RGS10: variants seen among roughly 807,000 people sequenced by gnomAD.
The protein encoded by RGS10 is regulator of G protein signaling 10.
RGS10 carries 11 observed loss-of-function variants against 23.5 expected under a neutral mutation model. That is an observed-to-expected ratio of 0.47 (90% CI 0.29 to 0.77). RGS10 has a LOEUF of 0.77. Among genes scored for constraint, RGS10 ranks in the 30% least tolerant of loss-of-function variants. The pLI is 0.08. For synonymous variants in RGS10, 77 were observed against 83.2 expected (o/e 0.92, Z 0.41); for missense variants, 180 against 226.3 (o/e 0.80, Z 1.31).
Position 119,536,840 on chromosome 10 carries a change from G to A in RGS10, c.49+5750C>T, listed in dbSNP as rs188345678. 3.9e-5 allele frequency among the ~76,000 whole-genome samples: 6 copies of A among 152,132 alleles called. 1 individual carries two copies. Among genetic ancestry groups the A allele is most frequent in the African/African-American group, 1.2e-4 (5 of 41,490 alleles). On this transcript the variant is annotated intron_variant, in intron 1 of 4. Transcript: ENST00000369103. ...GTCCTCTGGGGCCTGACATTTCTGC[G>A]TAAAGCTGCCCTCACCCTCCTACTC...
rs1443454760 is a variant in RGS10, at chr10:119,517,184, C to G, written c.256-1532G>C. On this transcript the variant is annotated intron_variant, in intron 3 of 4. Transcript: ENST00000369103. This position sits in a 1 kb window ranked among gnomAD's most constrained non-coding sequence, Gnocchi z 5.0. ...AAGGAAGGGTAGCCCTTTTTTAGTTCAGGGCACTGGGGACAAAAGATCCTG... is the reference window on the plus strand; with the variant it reads ...AAGGAAGGGTAGCCCTTTTTTAGTTGAGGGCACTGGGGACAAAAGATCCTG... Among the ~76,000 whole-genome samples the G allele has an allele frequency of 3.3e-5, 5 of 152,198 alleles. No individual in the cohort carries two copies. Among genetic ancestry groups the G allele is most frequent in the Non-Finnish European group, 7.4e-5 (5 of 68,024 alleles).
intron 4 of RGS10, 76 bp downstream of exon 4, chr10:119,515,433 T>C (rs538264680): frequency 1.3e-6 from 2 of 1,551,184 alleles, no homozygotes; most frequent in East Asian, 4.5e-5. Context: ...TAACATCGGG[T>C]GTTTCAGTAA....
intron 3 of RGS10, among the ~76,000 whole-genome samples, chr10:119,519,253 G>A (rs1240906205): frequency 6.6e-6 from 1 of 152,096 alleles, no homozygotes; most frequent in Admixed American, 6.5e-5. Context: ...TGTCCTCTCA[G>A]GATCCCCAAC....
intron 3 of RGS10, among the ~76,000 whole-genome samples, chr10:119,518,604 A>G (rs1054122025): frequency 2.0e-5 from 3 of 151,982 alleles, no homozygotes; most frequent in African/African-American, 7.3e-5. Flanking sequence ...TGCTTCCCAC[A>G]CTGGCCCCGC....
chr10:119,526,850 T>C (rs1342114843), intron 2 of RGS10, among the ~76,000 whole-genome samples: 1 of 151,968 alleles, frequency 6.6e-6, no homozygotes, highest in Non-Finnish European at 1.5e-5. Flanking sequence ...TATTTCTAGA[T>C]GGGATCAACA....
At position 119,501,688 on chromosome 10, in the gene RGS10, A is replaced by T. The variant is rs141177323; in HGVS notation, c.400-1429T>A. ...CAGTGAGCTGAGATCACACCACTGC[A>T]CTCCAGCCTGGGCAACAGAGTGAGA... is the stretch of plus-strand genomic sequence containing the variant. On this transcript the variant is annotated intron_variant, in intron 4 of 4. Coordinates refer to ENST00000369103, the MANE Select transcript of RGS10 (RefSeq NM_001005339.2). 2.0e-3 allele frequency among the ~76,000 whole-genome samples: 299 copies of T among 152,216 alleles called. 2 individuals are homozygous for T. In the East Asian group the frequency reaches 0.03, roughly 15 times the overall value.
At position 119,538,721 on chromosome 10, in the gene RGS10, C is replaced by T. The variant is rs868175301; in HGVS notation, c.49+3869G>A. On this transcript the variant is annotated intron_variant, in intron 1 of 4. Transcript: ENST00000369103. The surrounding 1 kb of genome is among the most constrained non-coding windows in gnomAD (Gnocchi z 4.5). ...AAGTCTGCAAGGGACTGTCTCACTC[C>T]AGCGGATGCCGCCTGACAGCTCTTA... 8.5e-5 allele frequency among the ~76,000 whole-genome samples: 13 copies of T among 152,152 alleles called. No individual in the cohort carries two copies. The highest frequency in any genetic ancestry group is 2.4e-4 in the African/African-American group (10 of 41,420).
chr10:119,514,181 C>T (rs189290706), intron 4 of RGS10, among the ~76,000 whole-genome samples: 6 of 151,850 alleles, frequency 4.0e-5, no homozygotes, highest in Non-Finnish European at 8.8e-5. Flanking sequence ...CATGGTAAAA[C>T]CCCGTCTCTA....
At chr10:119,528,012 C>T (rs1844294626) in intron 1 of RGS10, among the ~76,000 whole-genome samples, 3 of 152,122 alleles carry the variant, frequency 2.0e-5, no homozygotes, top group Admixed American at 2.0e-4. Flanking sequence ...AGATAAATGT[C>T]ATTTCAGGCA....
At chr10:119,540,529 G>A (rs1185231465) in intron 1 of RGS10, among the ~76,000 whole-genome samples, 1 of 152,212 alleles carries the variant, frequency 6.6e-6, no homozygotes. Flanking sequence ...TGGGATCACA[G>A]GTGTGAGCCA....
intron 1 of RGS10, among the ~76,000 whole-genome samples, chr10:119,539,921 A>G (rs1432354132): frequency 6.6e-6 from 1 of 151,440 alleles, no homozygotes; most frequent in Non-Finnish European, 1.5e-5. Context: ...AGTTTATACA[A>G]TTTGAGGATC....
chr10:119,537,173 A>G (rs1206681990), intron 1 of RGS10, among the ~76,000 whole-genome samples: 1 of 152,002 alleles, frequency 6.6e-6, no homozygotes, highest in East Asian at 1.9e-4. Flanking sequence ...CGGGCAGATC[A>G]CCTGAGGTCG....
intron 1 of RGS10, among the ~76,000 whole-genome samples, chr10:119,541,217 C>T (rs146936105): frequency 1.3e-5 from 2 of 152,282 alleles, no homozygotes; most frequent in African/African-American, 4.8e-5. Flanking sequence ...CTCTGAGCAG[C>T]GCTCCACAGG....
At chr10:119,512,030 C>G (rs1844082022) in intron 4 of RGS10, among the ~76,000 whole-genome samples, 1 of 152,174 alleles carries the variant, frequency 6.6e-6, no homozygotes, top group African/African-American at 2.4e-5. Context: ...CTCATCTAGC[C>G]TGGGGCTCAG....
At chr10:119,516,119 G>C (rs1844140225) in intron 3 of RGS10, among the ~76,000 whole-genome samples, 5 of 152,116 alleles carry the variant, frequency 3.3e-5, no homozygotes, top group Admixed American at 2.0e-4. Flanking sequence ...AGGCGTGGTG[G>C]TGCAAACCTG....
intron 4 of RGS10, among the ~76,000 whole-genome samples, chr10:119,507,001 A>G (rs1388872662): frequency 2.6e-5 from 4 of 152,182 alleles, no homozygotes; most frequent in African/African-American, 9.7e-5. Flanking sequence ...GCCCAGCACC[A>G]AATACCATTT....
chr10:119,531,844 C>G (rs1025307450), intron 1 of RGS10, among the ~76,000 whole-genome samples: 1 of 152,154 alleles, frequency 6.6e-6, no homozygotes, highest in South Asian at 2.1e-4. Flanking sequence ...ATTCCATGGT[C>G]TCCTGGGCTA....
chr10:119,533,392 C>T (rs1844352931), intron 1 of RGS10, among the ~76,000 whole-genome samples: 2 of 151,838 alleles, frequency 1.3e-5, no homozygotes, highest in East Asian at 3.9e-4. Context: ...GAAGGGGAAG[C>T]AGGTTAAAGT....
chr10:119,526,531 ACTATTTT>A (rs1269480709), intron 2 of RGS10, among the ~76,000 whole-genome samples: 1 of 152,204 alleles, frequency 6.6e-6, no homozygotes, highest in African/African-American at 2.4e-5. Flanking sequence ...CATGATACAA[ACTATTTT>A]AAGTTGGAGG....
Sources: gnomAD v4.1 joint callset for allele counts (sites outside exome capture counted in the v4.1 genomes callset) on GRCh38, gnomAD v4.1.1 for gene constraint, Gnocchi (gnomAD v3.1) non-coding constraint, MANE v1.5 for transcripts, NCBI Gene and HGNC (gene_info 2026-07-23, HGNC 2026-07-21) for gene names.